RHPN2: variants seen among roughly 807,000 people sequenced by gnomAD.
RHPN2 encodes rhophilin Rho GTPase binding protein 2.
In RHPN2, 40 loss-of-function variants were observed where a neutral mutation model predicts 79.0. That is an observed-to-expected ratio of 0.51 (90% CI 0.39 to 0.66). The LOEUF is 0.66. Among genes scored for constraint, RHPN2 ranks in the 30% least tolerant of loss-of-function variants. The probability of loss-of-function intolerance (pLI) is 0.00; values close to 1 mark genes in which losing one functional copy is unlikely to be tolerated. For synonymous variants in RHPN2, 285 were observed against 363.5 expected (o/e 0.78, Z 2.46); for missense variants, 686 against 883.5 (o/e 0.78, Z 2.83).
intron 1 of RHPN2, 114 bp downstream of exon 1, chr19:33,064,670 T>TC: frequency 1.4e-6 from 1 of 735,916 alleles, no homozygotes; most frequent in Non-Finnish European, 1.8e-6. Flanking sequence ...GTGCGCCCCC[T>TC]CCCCCTCCCG....
intron 1 of RHPN2, among the ~76,000 whole-genome samples, chr19:33,058,912 C>T (rs1972256349): frequency 6.6e-6 from 1 of 152,142 alleles, no homozygotes. Flanking sequence ...GCCTGACCAA[C>T]ATGGTGAAAC....
At chr19:33,042,444 C>A (rs974936975) in intron 2 of RHPN2, among the ~76,000 whole-genome samples, 1 of 152,186 alleles carries the variant, frequency 6.6e-6, no homozygotes, top group Non-Finnish European at 1.5e-5. Flanking sequence ...TGGGAGTGGA[C>A]AATTCCCATG....
At chr19:33,055,861 A>G (rs1432318080) in intron 1 of RHPN2, among the ~76,000 whole-genome samples, 4 of 152,100 alleles carry the variant, frequency 2.6e-5, no homozygotes, top group Admixed American at 2.6e-4. Context: ...TCCAGGCTGG[A>G]GGTTTCTGTG....
At chr19:32,988,540 G>C (rs1358431747) in intron 14 of RHPN2, among the ~76,000 whole-genome samples, 2 of 147,746 alleles carry the variant, frequency 1.4e-5, no homozygotes. Flanking sequence ...CCTTCTGAAA[G>C]GGGCTTCCAA....
intron 1 of RHPN2, among the ~76,000 whole-genome samples, chr19:33,062,492 G>A (rs1371477519): frequency 2.7e-5 from 4 of 148,922 alleles, no homozygotes; most frequent in South Asian, 2.1e-4. Flanking sequence ...ACCTGTAGCC[G>A]GGCGCAGTGG....
intron 4 of RHPN2, among the ~76,000 whole-genome samples, chr19:33,019,637 G>A (rs1292132543): frequency 4.0e-5 from 6 of 151,816 alleles, no homozygotes; most frequent in South Asian, 2.1e-4. Flanking sequence ...GGTGGCACAC[G>A]CCTATAGTAC....
intron 14 of RHPN2, among the ~76,000 whole-genome samples, chr19:32,983,874 G>A (rs1287635316): frequency 1.3e-5 from 2 of 152,110 alleles, no homozygotes; most frequent in Non-Finnish European, 2.9e-5. Context: ...TGATCCACCT[G>A]CCTCAGCCTC....
intron 2 of RHPN2, among the ~76,000 whole-genome samples, chr19:33,036,877 C>T (rs1281750381): frequency 6.9e-6 from 1 of 145,026 alleles, no homozygotes; most frequent in Non-Finnish European, 1.5e-5. Flanking sequence ...TGAGCCCCCC[C>T]GCCACCCTCT....
intron 4 of RHPN2, among the ~76,000 whole-genome samples, chr19:33,019,846 T>C (rs1300714899): frequency 6.6e-6 from 1 of 152,096 alleles, no homozygotes. Context: ...TTAATTCCTA[T>C]AACCAATGCC....
At chr19:33,041,644 C>T (rs1433359858) in intron 2 of RHPN2, among the ~76,000 whole-genome samples, 2 of 152,172 alleles carry the variant, frequency 1.3e-5, no homozygotes, top group African/African-American at 2.4e-5. Context: ...CTAGTTCCTG[C>T]CTGAGAAAGT....
intron 2 of RHPN2, among the ~76,000 whole-genome samples, chr19:33,037,711 C>A (rs1972069801): frequency 6.6e-6 from 1 of 152,158 alleles, no homozygotes; most frequent in South Asian, 2.1e-4. Flanking sequence ...GACCACAAAC[C>A]CACCAGAAGG....
chr19:33,016,914 T>C (rs1462453390), intron 4 of RHPN2, among the ~76,000 whole-genome samples: 1 of 152,222 alleles, frequency 6.6e-6, no homozygotes, highest in Non-Finnish European at 1.5e-5. Flanking sequence ...AGAGTCTCTT[T>C]TAGGCTAAAA....
intron 1 of RHPN2, among the ~76,000 whole-genome samples, chr19:33,047,864 A>G (rs1489418571): frequency 1.3e-5 from 2 of 152,034 alleles, no homozygotes; most frequent in East Asian, 1.9e-4. Flanking sequence ...GTGAGCTACA[A>G]TTGCGCCACT....
chr19:33,062,164 C>T (rs374684083), intron 1 of RHPN2, among the ~76,000 whole-genome samples: 1 of 152,112 alleles, frequency 6.6e-6, no homozygotes, highest in East Asian at 1.9e-4. Context: ...TATTTTGCAC[C>T]CCTGATTCTC....
At chr19:33,061,362 C>T (rs1402929553) in intron 1 of RHPN2, among the ~76,000 whole-genome samples, 1 of 151,794 alleles carries the variant, frequency 6.6e-6, no homozygotes, top group African/African-American at 2.4e-5. Context: ...CCCGCCACCA[C>T]GCCCGGCTAA....
At chr19:32,984,493 TACTAAA>T (rs1484378069) in intron 14 of RHPN2, among the ~76,000 whole-genome samples, 1 of 152,068 alleles carries the variant, frequency 6.6e-6, no homozygotes, top group Admixed American at 6.6e-5. Flanking sequence ...ACCCCATCTC[TACTAAA>T]AATACAAAAA....
At chr19:32,994,087 G>A (rs750567434) in intron 11 of RHPN2, 34 bp from the exon 12 acceptor site, 20 of 1,459,170 alleles carry the variant, frequency 1.4e-5, no homozygotes, top group East Asian at 9.1e-5. Flanking sequence ...GAGGATAAAC[G>A]TTTCTGTAAT....
chr19:33,038,569 A>G (rs1972076183), intron 2 of RHPN2, among the ~76,000 whole-genome samples: 1 of 151,772 alleles, frequency 6.6e-6, no homozygotes, highest in East Asian at 1.9e-4. Flanking sequence ...GCTCATTACA[A>G]CCTCCGTCCC....
intron 2 of RHPN2, among the ~76,000 whole-genome samples, chr19:33,029,673 T>G (rs1331873808): frequency 6.6e-6 from 1 of 152,320 alleles, no homozygotes; most frequent in East Asian, 1.9e-4. Context: ...TAAAGCAGGT[T>G]GACATCCATA....
Sources: gnomAD v4.1 joint callset for allele counts (sites outside exome capture counted in the v4.1 genomes callset) on GRCh38, gnomAD v4.1.1 for gene constraint, MANE v1.5 for transcripts, NCBI Gene and HGNC (gene_info 2026-07-23, HGNC 2026-07-21) for gene names.